ARMC10: variants seen among roughly 807,000 people sequenced by gnomAD.
ARMC10 encodes the protein armadillo repeat-containing protein 10.
In ARMC10, 23 loss-of-function variants were observed where a neutral mutation model predicts 30.2. The ratio of observed to expected loss-of-function variants is 0.76; its 90% confidence interval spans 0.55 to 1.08. The LOEUF (loss-of-function observed/expected upper bound fraction) is 1.08. Ranked by LOEUF, ARMC10 falls within the 50% of genes least tolerant of loss-of-function variation. The probability of loss-of-function intolerance (pLI) is 0.00; values close to 1 mark genes in which losing one functional copy is unlikely to be tolerated. For missense variants in ARMC10, 303 were observed against 413.7 expected (o/e 0.73, Z 2.32); for synonymous variants, 111 against 164.4 (o/e 0.68, Z 2.48).
rs1801962270 is a variant in ARMC10 at position 103,098,359 on chromosome 7, G to A, written c.838G>A (p.Val280Ile). 13 of 1,613,196 alleles carry A rather than the reference G, an allele frequency of 8.1e-6. No homozygotes were observed. The East Asian group carries it at 2.9e-4, about 36-fold the overall frequency. The change falls in exon 7 of 7, where the codon GTA becomes ATA. Residue 280 changes from valine (V) to isoleucine (I), a missense_variant. This residue lies in a region of ARMC10 where 26 missense variants were observed against 94.7 expected (regional missense o/e 0.27). Coordinates refer to ENST00000323716, the MANE Select transcript of ARMC10 (RefSeq NM_031905.5). ...CGTAGCAAAGGAGATTCTTCTTCGA[G>A]TACTTACGCTATTTCAGAATATAAA... ...SHVAKEILLRVLTLFQNIKNC... is the reference protein window; with the variant it reads ...SHVAKEILLRILTLFQNIKNC...
chr7:103,075,142 T>G lies in ARMC10; in HGVS notation c.-131T>G. ...CCGGGAGGCGGAGCTCAGACCCCAT[T>G]TCCTTTCTCCACATCCAGGTCAGGT... is the stretch of plus-strand genomic sequence containing the variant. On this transcript the variant is annotated 5_prime_UTR_variant, in exon 1 of 7. The change creates a new upstream start codon in the 5' untranslated region. Transcript: ENST00000323716. The G allele has an allele frequency of 1.7e-6, 1 of 597,194 alleles. No individual in the cohort carries two copies. The highest frequency in any genetic ancestry group is 2.2e-6 in the Non-Finnish European group (1 of 449,682). 37.0% of individuals were successfully genotyped at this position (597,194 alleles called of 1,614,324 possible).
At chr7:103,081,327 A>T (rs1452892240) in intron 2 of ARMC10, among the ~76,000 whole-genome samples, 1 of 152,258 alleles carries the variant, frequency 6.6e-6, no homozygotes, top group Non-Finnish European at 1.5e-5. Flanking sequence ...GAAAAATTTT[A>T]AATGGCTATT....
intron 3 of ARMC10, among the ~76,000 whole-genome samples, chr7:103,084,509 G>T (rs531725704): frequency 6.6e-6 from 1 of 152,316 alleles, no homozygotes; most frequent in African/African-American, 2.4e-5. Flanking sequence ...GGGAGATAGA[G>T]AATCTTTGTG....
intron 6 of ARMC10, 129 bp from the exon 7 acceptor site, chr7:103,098,170 C>T (rs1204667978): frequency 6.7e-6 from 7 of 1,050,526 alleles, no homozygotes; most frequent in Non-Finnish European, 8.7e-6. Flanking sequence ...ATGTGAGATA[C>T]ATTTTAAATG....
intron 2 of ARMC10, among the ~76,000 whole-genome samples, chr7:103,077,161 A>C (rs1335416261): frequency 6.6e-6 from 1 of 152,152 alleles, no homozygotes; most frequent in Non-Finnish European, 1.5e-5. Context: ...GAAGTGCTGG[A>C]ATTACAGGAT....
intron 3 of ARMC10, among the ~76,000 whole-genome samples, chr7:103,086,114 T>C (rs2129522265): frequency 1.3e-5 from 2 of 152,306 alleles, no homozygotes; most frequent in South Asian, 4.1e-4. Flanking sequence ...ACTCAGATTT[T>C]CCTAAACTTA....
intron 4 of ARMC10, among the ~76,000 whole-genome samples, chr7:103,090,655 G>A (rs1801228082): frequency 1.3e-5 from 2 of 150,010 alleles, no homozygotes; most frequent in African/African-American, 2.5e-5. Context: ...CCACCACCAC[G>A]CTTGCAATTT....
rs915574371 is a variant in ARMC10, at chr7:103,075,838, G to C, written c.201G>C (p.Thr67=). 3 of 1,611,586 alleles carry C rather than the reference G, an allele frequency of 1.9e-6. No homozygotes were observed. The highest frequency in any genetic ancestry group is 8.5e-7 in the Non-Finnish European group (1 of 1,179,094). Residue 67 remains threonine, a synonymous_variant, in exon 2 of 7, where the codon ACG becomes ACC. Coordinates refer to ENST00000323716, the MANE Select transcript of ARMC10 (RefSeq NM_031905.5). ...GCGGGCGCTCGGCCCGGCCTCAGAC[G>C]GGAGGTACCTGGGAGTCACAGTGGT... ...QLCGRSARPQ[T]GGTWESQWSK... is the part of the protein sequence containing the mutation.
intron 4 of ARMC10, 27 bp downstream of exon 4, chr7:103,086,791 A>T (rs1250383784): frequency 1.9e-6 from 3 of 1,589,934 alleles, no homozygotes; most frequent in Non-Finnish European, 2.6e-6. Flanking sequence ...TCACAAATGT[A>T]TAAGGTTTTC....
chr7:103,092,802 T>C (rs745715573), intron 5 of ARMC10, 149 bp downstream of exon 5: 2 of 543,748 alleles, frequency 3.7e-6, no homozygotes, highest in East Asian at 6.5e-5. Context: ...AAATATTCCA[T>C]TGCAAAATTA....
rs17849774 is a variant in ARMC10 at position 103,092,516 on chromosome 7, C to T, written c.568C>T (p.Pro190Ser). The change falls in exon 5 of 7, where the codon CCT becomes TCT. Residue 190 changes from proline (P) to serine (S), a missense_variant. By Grantham distance (74) the Pro-to-Ser change is moderately conservative (BLOSUM62 -1). Coordinates refer to ENST00000323716, the MANE Select transcript of ARMC10 (RefSeq NM_031905.5). Reference protein sequence around the residue: ...SQVCEDVFSGPLNSAVQLAGL... With the variant: ...SQVCEDVFSGSLNSAVQLAGL... ...AGTATGTGAGGATGTCTTCTCTGGT[C>T]CTCTGAACTCTGCTGTGCAGCTGGC... The T allele has an allele frequency of 6.2e-7, 1 of 1,604,040 alleles. No individual in the cohort carries two copies.
Position 103,097,206 on chromosome 7 carries a change from G to A in ARMC10, c.706-71G>A, listed in dbSNP as rs141723134. ...GGACTTTAACAGGAAGACATGGTGAGAGAACAGCATGCCTGAGAGAGAAAA... is the reference window on the plus strand; with the variant it reads ...GGACTTTAACAGGAAGACATGGTGAAAGAACAGCATGCCTGAGAGAGAAAA... On this transcript the variant is annotated intron_variant, in intron 5 of 6. Transcript: ENST00000323716. 1.3e-4 allele frequency: 165 copies of A among 1,275,156 alleles called. 3 individuals are homozygous for A. In the Middle Eastern group the frequency reaches 1.9e-3, roughly 14 times the overall value. The allele number at this position is 1,275,156 out of a possible 1,614,324, so 79.0% of individuals were successfully genotyped here.
At position 103,081,893 on chromosome 7, in the gene ARMC10, G is replaced by A. The variant is rs115953688; in HGVS notation, c.245-1789G>A. ...CCTTTTATTTGCAGATGAGAAAACT[G>A]AGACCCCCAAAAATAGTAAGTGACT... On this transcript the variant is annotated intron_variant, in intron 2 of 6. Transcript: ENST00000323716. 1.5e-3 allele frequency: 687 copies of A among 456,586 alleles called. 4 individuals carry two copies. Among genetic ancestry groups the A allele is most frequent in the African/African-American group, 0.013 (661 of 50,162 alleles). The allele number at this position is 456,586 out of a possible 1,614,324, so 28.3% of individuals were successfully genotyped here. A position where few individuals can be genotyped will look rare whatever the true frequency, so the allele number is the denominator to read the frequency against.
At position 103,081,270 on chromosome 7, in the gene ARMC10, C is replaced by T. The variant is rs147179777; in HGVS notation, c.245-2412C>T. Among the ~76,000 whole-genome samples, 3 of 152,322 alleles carry T rather than the reference C, an allele frequency of 2.0e-5. No individual in the cohort carries two copies. The East Asian group carries it at 5.8e-4, about 29-fold the overall frequency. On this transcript the variant is annotated intron_variant, in intron 2 of 6. Transcript: ENST00000323716. ...TGCCTCTTCCCACCAAGTGAGAATT[C>T]TGTGATACAACACCGTGAAATTTTA...
At chr7:103,093,748 C>T (rs905060429) in intron 5 of ARMC10, among the ~76,000 whole-genome samples, 24 of 152,204 alleles carry the variant, frequency 1.6e-4, no homozygotes, top group African/African-American at 5.5e-4. Flanking sequence ...CTGCTTTACC[C>T]AGAACCTCAG....
chr7:103,090,487 C>T (rs1801215279), intron 4 of ARMC10, among the ~76,000 whole-genome samples: 1 of 151,956 alleles, frequency 6.6e-6, no homozygotes, highest in African/African-American at 2.4e-5. Context: ...AGTGAGACCC[C>T]ATTTCTTTAT....
intron 2 of ARMC10, among the ~76,000 whole-genome samples, chr7:103,078,038 C>T (rs187557977): frequency 1.2e-4 from 19 of 152,254 alleles, no homozygotes; most frequent in African/African-American, 4.3e-4. Flanking sequence ...CTCTGTCTCC[C>T]AGGCTGGAGT....
intron 2 of ARMC10, among the ~76,000 whole-genome samples, chr7:103,081,490 G>T (rs1251497023): frequency 2.0e-5 from 3 of 152,156 alleles, no homozygotes; most frequent in African/African-American, 7.2e-5. Context: ...TCCCGCCTCG[G>T]CCTCCCGAGT....
chr7:103,080,735 C>A (rs2129520640), intron 2 of ARMC10, among the ~76,000 whole-genome samples: 1 of 151,966 alleles, frequency 6.6e-6, no homozygotes, highest in Admixed American at 6.6e-5. Flanking sequence ...TCAAGCAATT[C>A]TTCTACCTCA....
Sources: gnomAD v4.1 joint callset for allele counts (sites outside exome capture counted in the v4.1 genomes callset) on GRCh38, gnomAD v4.1.1 for gene constraint, gnomAD v4.1.1 regional missense constraint, MANE v1.5 for transcripts, NCBI Gene and HGNC (gene_info 2026-07-23, HGNC 2026-07-21) for gene names.